PCCB: variants seen among roughly 807,000 people sequenced by gnomAD.
The protein encoded by PCCB is propionyl-CoA carboxylase subunit beta, also known as propionyl-CoA carboxylase beta chain, mitochondrial.
PCCB carries 43 observed loss-of-function variants against 60.7 expected under a neutral mutation model. The ratio of observed to expected loss-of-function variants is 0.71; its 90% CI spans 0.55 to 0.91. PCCB has a LOEUF of 0.91. PCCB is among the 40% of genes least tolerant of loss of function. The pLI is 0.00. For missense variants in PCCB, 766 were observed against 702.8 expected (o/e 1.09, Z -1.02); for synonymous variants, 276 against 255.9 (o/e 1.08, Z -0.75).
chr3:136,264,874 C>CAA (rs1167305370), intron 5 of PCCB, among the ~76,000 whole-genome samples: 13,659 of 76,196 alleles, frequency 0.18, 1,528 homozygotes, highest in Middle Eastern at 0.24. Flanking sequence ...GACTCCGTCT[C>CAA]AAAAAAAAAA....
At chr3:136,290,421 A>T (rs1159604498) in intron 6 of PCCB, among the ~76,000 whole-genome samples, 2 of 152,100 alleles carry the variant, frequency 1.3e-5, no homozygotes, top group African/African-American at 4.8e-5. Context: ...CTATAGGCAA[A>T]ATGTTTTTTT....
rs12163608 is a variant in PCCB, at chr3:136,304,848, C to T, written c.966+3737C>T. Among the ~76,000 whole-genome samples the T allele has an allele frequency of 0.067, 7,800 of 116,848 alleles. 2,369 individuals are homozygous for T. The East Asian group carries it at 0.67, about 10-fold the overall frequency. The allele number at this position is 116,848 out of a possible 152,430, so 76.7% of individuals were successfully genotyped here. A position where few individuals can be genotyped will look rare whatever the true frequency, so the allele number is the denominator to read the frequency against. ...CTGTGATTTCAGGCACCCGCCACCA[C>T]GCTTGGCTAATTTTTGTATTTTTAG... On this transcript the variant is annotated intron_variant, in intron 9 of 14. Coordinates refer to ENST00000251654, the MANE Select transcript of PCCB (RefSeq NM_000532.5).
intron 5 of PCCB, among the ~76,000 whole-genome samples, chr3:136,265,069 C>G (rs898250298): frequency 1.3e-5 from 2 of 151,990 alleles, no homozygotes; most frequent in Non-Finnish European, 2.9e-5. Context: ...TGGCGAGCGC[C>G]TGTAATCCCA....
chr3:136,327,084 C>G (rs1036002810), intron 11 of PCCB, 71 bp from the exon 12 acceptor site: 5 of 1,444,732 alleles, frequency 3.5e-6, no homozygotes, highest in Non-Finnish European at 4.9e-6. Flanking sequence ...TGGGAAAGAC[C>G]TCACAGCTGA....
chr3:136,308,005 A>G (rs1196436443), intron 9 of PCCB, among the ~76,000 whole-genome samples: 1 of 151,934 alleles, frequency 6.6e-6, no homozygotes, highest in Non-Finnish European at 1.5e-5. Context: ...TAATAATATG[A>G]TAGTAAAAAA....
intron 3 of PCCB, among the ~76,000 whole-genome samples, chr3:136,258,899 T>G (rs887027555): frequency 1.3e-5 from 2 of 151,974 alleles, no homozygotes; most frequent in Non-Finnish European, 2.9e-5. Flanking sequence ...TTACCCCCAC[T>G]GCAGGTGTGT....
chr3:136,263,894 C>T (rs1344463593), intron 5 of PCCB, among the ~76,000 whole-genome samples: 1 of 152,012 alleles, frequency 6.6e-6, no homozygotes, highest in East Asian at 1.9e-4. Context: ...TGCCTGTAAT[C>T]CCAACTACTC....
chr3:136,269,908 TAA>T (rs1347948246), intron 5 of PCCB, among the ~76,000 whole-genome samples: 2 of 132,218 alleles, frequency 1.5e-5, no homozygotes, highest in African/African-American at 2.8e-5. Flanking sequence ...AAAAAAAAAA[TAA>T]GAGTGGACAT....
In PCCB at chr3:136,327,794, A is replaced by G. The variant is rs1935381785; in HGVS notation, c.1398+62A>G. The G allele has an allele frequency of 2.3e-6, 3 of 1,309,994 alleles. No individual in the cohort carries two copies. In the East Asian group the frequency reaches 6.9e-5, roughly 30 times the overall value. 81.1% of individuals were successfully genotyped at this position (1,309,994 alleles called of 1,614,324 possible). ...GACTCGACTCTACCAGCGAGAGCTC[A>G]AGGCATAGCTGGGAAATGTTGGAGA... On this transcript the variant is annotated intron_variant, in intron 13 of 14. Coordinates refer to ENST00000251654, the MANE Select transcript of PCCB (RefSeq NM_000532.5).
At chr3:136,288,640 G>A (rs763839348) in intron 6 of PCCB, among the ~76,000 whole-genome samples, 5 of 148,352 alleles carry the variant, frequency 3.4e-5, no homozygotes, top group Non-Finnish European at 7.4e-5. Flanking sequence ...CACAGCACCT[G>A]GTCTATAAAA....
chr3:136,264,271 T>C (rs987443771), intron 5 of PCCB, among the ~76,000 whole-genome samples: 1 of 151,926 alleles, frequency 6.6e-6, no homozygotes, highest in African/African-American at 2.4e-5. Flanking sequence ...ATAACCAGAA[T>C]ACAGTAATAA....
chr3:136,263,798 C>T (rs759331336), intron 5 of PCCB, among the ~76,000 whole-genome samples: 7 of 151,986 alleles, frequency 4.6e-5, no homozygotes, highest in South Asian at 2.1e-4. Context: ...GATCTCTTGA[C>T]GTCAGGAGTT....
At chr3:136,304,424 C>A (rs1449195105) in intron 9 of PCCB, among the ~76,000 whole-genome samples, 2 of 117,844 alleles carry the variant, frequency 1.7e-5, no homozygotes, top group African/African-American at 5.1e-5. Context: ...CTCTGTCGCC[C>A]GGGCTGGAGT....
chr3:136,293,773 C>T lies in PCCB; in HGVS notation c.672C>T (p.Phe224=). The change falls in exon 7 of 15, where the codon TTC becomes TTT. Residue 224 remains phenylalanine, a synonymous_variant. Coordinates refer to ENST00000251654, the MANE Select transcript of PCCB (RefSeq NM_000532.5). The part of the protein sequence containing the change: ...TFMVKDTSYL[F]ITGPDVVKSV... ...TATTTCAGGACACCTCCTACCTGTT[C>T]ATCACTGGCCCTGATGTTGTGAAGT... The T allele has an allele frequency of 6.2e-7, 1 of 1,611,466 alleles. No individual in the cohort carries two copies. Among genetic ancestry groups the T allele is most frequent in the Non-Finnish European group, 8.5e-7 (1 of 1,177,700 alleles).
intron 5 of PCCB, among the ~76,000 whole-genome samples, chr3:136,268,049 A>AGTGTGT (rs1181482923): frequency 8.3e-5 from 7 of 83,946 alleles, no homozygotes; most frequent in East Asian, 3.1e-4. Flanking sequence ...AAACCTGGCT[A>AGTGTGT]GTGTGTGTGT....
At chr3:136,285,333 C>T (rs1404308208) in intron 6 of PCCB, among the ~76,000 whole-genome samples, 1 of 152,128 alleles carries the variant, frequency 6.6e-6, no homozygotes, top group South Asian at 2.1e-4. Context: ...CTTCAGGACC[C>T]TTATACTGTT....
At chr3:136,310,312 A>T (rs1008017674) in intron 9 of PCCB, among the ~76,000 whole-genome samples, 25 of 151,714 alleles carry the variant, frequency 1.6e-4, no homozygotes, top group African/African-American at 5.6e-4. Flanking sequence ...GCGATGAGCC[A>T]AGATCGTGCC....
intron 4 of PCCB, among the ~76,000 whole-genome samples, chr3:136,261,665 G>A (rs1037933032): frequency 1.3e-5 from 2 of 152,188 alleles, no homozygotes; most frequent in African/African-American, 4.8e-5. Flanking sequence ...ACGTTACAAC[G>A]TGAGCCTGTG....
intron 5 of PCCB, among the ~76,000 whole-genome samples, chr3:136,280,103 A>G (rs927198383): frequency 3.9e-5 from 6 of 152,236 alleles, no homozygotes; most frequent in Non-Finnish European, 4.4e-5. Context: ...CACTACTTTT[A>G]TATTTACCTA....
Sources: allele counts gnomAD v4.1 joint callset (sites outside exome capture counted in the v4.1 genomes callset), GRCh38; gene constraint gnomAD v4.1.1; transcripts MANE v1.5; gene names NCBI Gene and HGNC (gene_info 2026-07-23, HGNC 2026-07-21).